NEB: variants seen among roughly 807,000 people sequenced by gnomAD.
NEB encodes the protein nebulin, also known as nemaline myopathy type 2.
NEB carries 512 observed loss-of-function variants against 952.2 expected under a neutral mutation model. That is an observed-to-expected ratio of 0.54 (90% CI 0.50 to 0.58). The LOEUF is 0.58. Ranked by LOEUF, NEB falls within the 20% of genes least tolerant of loss-of-function variation. NEB has a pLI of 0.00. For missense variants in NEB, 8,428 were observed against 9,231.1 expected (o/e 0.91, Z 3.56); for synonymous variants, 2,900 against 3,149.8 (o/e 0.92, Z 2.66).
At chr2:151,671,645 A>T (rs2099295169) in intron 37 of NEB, among the ~76,000 whole-genome samples, 1 of 152,256 alleles carries the variant, frequency 6.6e-6, no homozygotes, top group African/African-American at 2.4e-5. Context: ...GCTGCTAAAA[A>T]GCATTTTGTC....
chr2:151,519,713 G>A lies in NEB; in HGVS notation c.22535C>T (p.Pro7512Leu), dbSNP rs376609115. 34 of 1,612,790 alleles carry A rather than the reference G, an allele frequency of 2.1e-5. No homozygotes were observed. In the Admixed American group the frequency reaches 3.7e-4, roughly 17 times the overall value. ...KEKGKTPKYN[P>L]KDSQLYKVMK... The stretch of plus-strand genomic sequence containing the variant: ...GACTTTGTAGAGCTGGCTGTCTTTT[G>A]GATTGTATTTTGGTGTCTTGCCCTT... Residue 7512 changes from proline (P) to leucine (L), a missense_variant, in exon 154 of 182, where the codon CCA (proline) becomes CTA (leucine). By Grantham distance (98) the Pro-to-Leu change is moderately conservative (BLOSUM62 -3). Around this residue, in one of 11 missense-constraint regions of NEB, gnomAD observed 3,374 missense variants for 3,651.5 expected, o/e 0.92. Transcript: ENST00000397345.
chr2:151,524,308 T>C lies in NEB; in HGVS notation c.22479+3A>G. 6.2e-7 allele frequency: 1 copy of C among 1,612,688 alleles called. No individual in the cohort carries two copies. On this transcript the variant is annotated splice_donor_region_variant and intron_variant, in intron 153 of 181. Coordinates refer to ENST00000397345, the MANE Select transcript of NEB (RefSeq NM_001164508.2). ...GAGCCACCAGTGCACCCATCTGCATTACCTGGCTGCTCAGCTTGGCTGCCT... is the reference window on the plus strand; with the variant it reads ...GAGCCACCAGTGCACCCATCTGCATCACCTGGCTGCTCAGCTTGGCTGCCT...
In NEB at chr2:151,581,788, A is replaced by G. The variant is rs1185339187; in HGVS notation, c.16180-201T>C. On this transcript the variant is annotated intron_variant, in intron 102 of 181. Coordinates refer to ENST00000397345, the MANE Select transcript of NEB (RefSeq NM_001164508.2). ...AATAGGTAAATCTAATTTTATATTA[A>G]ATAATAAGCAAAATGAAAAGTTCTT... Among the ~76,000 whole-genome samples, 4 of 147,058 alleles carry G rather than the reference A, an allele frequency of 2.7e-5. No individual in the cohort carries two copies. The South Asian group carries it at 8.6e-4, about 32-fold the overall frequency.
In NEB at chr2:151,567,405, C is replaced by G. The variant is rs752928207; in HGVS notation, c.17919G>C (p.Lys5973Asn). ...VGVPTMRDDP[K>N]LVWFEHAGQI... ...GGCCTGCATGCTCAAACCAAACCAG[C>G]TTAGGATCATCTCTCATCGTCGGGA... Residue 5973 changes from lysine to asparagine, a missense_variant, in exon 114 of 182, where the codon AAG (lysine) becomes AAC (asparagine). Lys to Asn is a moderately conservative substitution (Grantham distance 94). Transcript: ENST00000397345. 41 of 1,613,636 alleles carry G rather than the reference C, an allele frequency of 2.5e-5. No individual in the cohort carries two copies. The Admixed American group carries it at 6.7e-4, about 26-fold the overall frequency.
At chr2:151,502,963 G>A in intron 166 of NEB, 78 bp from the exon 167 acceptor site, 1 of 831,614 alleles carries the variant, frequency 1.2e-6, no homozygotes, top group African/African-American at 1.7e-5. Context: ...TGGGGGAAGG[G>A]GTTATATGTG....
At chr2:151,694,699 G>A in intron 18 of NEB, 70 bp from the exon 19 acceptor site, 2 of 1,154,748 alleles carry the variant, frequency 1.7e-6, no homozygotes, top group Admixed American at 2.0e-5. Context: ...AAGACTAGTG[G>A]GTAACTAAAT....
rs2099086382 is a variant in NEB at position 151,656,479 on chromosome 2, TGA to T, written c.6184-17_6184-16del. The T allele has an allele frequency of 6.4e-7, 1 of 1,569,218 alleles. No homozygotes were observed. Among genetic ancestry groups the T allele is most frequent in the African/African-American group, 1.4e-5 (1 of 73,940 alleles). On this transcript the variant is annotated splice_polypyrimidine_tract_variant and intron_variant, in intron 48 of 181. Transcript: ENST00000397345. ...TTGTATTTATACTGTGAAGAAAATA[TGA>T]GTTTTTACACAGAGCAATTCCTTTG...
intron 167 of NEB, among the ~76,000 whole-genome samples, chr2:151,501,780 GAAATTA>G (rs1283194784): frequency 6.6e-6 from 1 of 151,946 alleles, no homozygotes; most frequent in East Asian, 1.9e-4. Flanking sequence ...CAAACTAATT[GAAATTA>G]ATATCCATGA....
intron 117 of NEB, 34 bp from the exon 118 acceptor site, chr2:151,563,964 T>A: frequency 1.4e-6 from 2 of 1,416,322 alleles, no homozygotes; most frequent in Non-Finnish European, 2.0e-6. Flanking sequence ...ACAAAAGTTT[T>A]CTTTCAACTT....
At chr2:151,518,191 C>G (rs2079281392) in intron 156 of NEB, 127 bp downstream of exon 156, 1 of 734,962 alleles carries the variant, frequency 1.4e-6, no homozygotes, top group South Asian at 1.6e-5. Flanking sequence ...CAAAAAGTTA[C>G]CAGATTCAAA....
intron 71 of NEB, among the ~76,000 whole-genome samples, chr2:151,622,663 A>G (rs1297736304): frequency 6.6e-6 from 1 of 152,198 alleles, no homozygotes; most frequent in East Asian, 1.9e-4. Flanking sequence ...TCATCCTTGA[A>G]TACTTTACCA....
intron 13 of NEB, among the ~76,000 whole-genome samples, chr2:151,704,623 C>T (rs868499785): frequency 9.8e-5 from 15 of 152,288 alleles, no homozygotes; most frequent in South Asian, 8.3e-4. Context: ...ACCCGATTTT[C>T]CAGGTGCGTC....
chr2:151,575,491 T>A (rs1444436501), intron 107 of NEB, among the ~76,000 whole-genome samples: 2 of 152,214 alleles, frequency 1.3e-5, no homozygotes, highest in African/African-American at 2.4e-5. Flanking sequence ...TGTGGAGATA[T>A]TGACTCACCA....
intron 9 of NEB, among the ~76,000 whole-genome samples, chr2:151,719,210 C>A (rs184949560): frequency 6.6e-6 from 1 of 152,212 alleles, no homozygotes; most frequent in African/African-American, 2.4e-5. Flanking sequence ...TCCTTGGGAA[C>A]CCTTGTGGCC....
At chr2:151,614,210 T>C in intron 77 of NEB, 66 bp downstream of exon 77, 1 of 1,559,010 alleles carries the variant, frequency 6.4e-7, no homozygotes, top group Non-Finnish European at 8.7e-7. Flanking sequence ...TGTGGAAAGA[T>C]TCCATGGCAC....
At position 151,665,368 on chromosome 2, in the gene NEB, C is replaced by T. The variant is rs774000213; in HGVS notation, c.5203G>A (p.Ala1735Thr). 2 of 1,613,634 alleles carry T rather than the reference C, an allele frequency of 1.2e-6. No individual in the cohort carries two copies. The highest frequency in any genetic ancestry group is 1.7e-6 in the Non-Finnish European group (2 of 1,179,782). The change falls in exon 42 of 182, where the codon GCA becomes ACA. Residue 1735 changes from alanine to threonine, a missense_variant. Physicochemically the swap from Ala to Thr is moderately conservative, Grantham distance 58. Transcript: ENST00000397345. ...TTCAGTTTGTTACTCTTGTTAAGTG[C>T]CTGTTCCATTGTGTCCATGGCGTAA... The part of the protein sequence containing the change: ...FTYAMDTMEQ[A>T]LNKSNKLNMD...
intron 85 of NEB, among the ~76,000 whole-genome samples, 152 bp from the exon 86 acceptor site, chr2:151,603,924 T>TTA (rs2097579904): frequency 1.4e-5 from 2 of 147,698 alleles, no homozygotes; most frequent in Non-Finnish European, 3.0e-5. Flanking sequence ...ATATTGGGTG[T>TTA]TATCTCTCTG....
At chr2:151,493,250 A>G in intron 176 of NEB, 103 bp downstream of exon 176, 1 of 923,080 alleles carries the variant, frequency 1.1e-6, no homozygotes, top group Non-Finnish European at 1.7e-6. Context: ...CTCTTTTAAA[A>G]TTTTAGTGTG....
Position 151,563,591 on chromosome 2 carries a change from T to C in NEB, c.18693+15A>G. On this transcript the variant is annotated intron_variant, in intron 119 of 181. Coordinates refer to ENST00000397345, the MANE Select transcript of NEB (RefSeq NM_001164508.2). ...ATGGGGCACAAATCCCGTGTTAAAG[T>C]GGACATTTACTTACCGCACTCCTCA... 3 of 1,598,752 alleles carry C rather than the reference T, an allele frequency of 1.9e-6. No homozygotes were observed. Among genetic ancestry groups the C allele is most frequent in the Non-Finnish European group, 2.6e-6 (3 of 1,166,124 alleles).
Sources: gnomAD v4.1 joint callset for allele counts (sites outside exome capture counted in the v4.1 genomes callset) on GRCh38, gnomAD v4.1.1 for gene constraint, gnomAD v4.1.1 regional missense constraint, MANE v1.5 for transcripts, NCBI Gene and HGNC (gene_info 2026-07-23, HGNC 2026-07-21) for gene names.